The following GLIS3 variants were observed in gnomAD, a reference collection of about 807,000 sequenced individuals.
GLIS3 encodes the protein zinc finger protein GLIS3.
Under a neutral mutation model 78.6 loss-of-function variants are expected in GLIS3, and 53 were observed. The observed-to-expected ratio is 0.67, with a 90% CI of 0.54 to 0.85. The LOEUF (loss-of-function observed/expected upper bound fraction) is 0.85. Among genes scored for constraint, GLIS3 ranks in the 40% least tolerant of loss-of-function variants. The probability of loss-of-function intolerance (pLI) is 0.00; values close to 1 mark genes in which losing one functional copy is unlikely to be tolerated. For synonymous variants in GLIS3, 684 were observed against 509.9 expected (o/e 1.34, Z -4.60); for missense variants, 1,703 against 1,231.1 (o/e 1.38, Z -5.74).
At chr9:3,975,425 G>C (rs1200372691) in intron 4 of GLIS3, among the ~76,000 whole-genome samples, 10 of 152,178 alleles carry the variant, frequency 6.6e-5, no homozygotes, top group Admixed American at 5.9e-4. Flanking sequence ...ACCCTGTTTA[G>C]TAAGAGCCAT....
rs143335122 is a variant in GLIS3 at position 4,331,718 on chromosome 9, G to A, written n.264+15363C>T. ...GCAGGCACTGGTCACAGACTTGAGT[G>A]TGAGCCAAAGTTTCCCAAAGTTCAG... is the stretch of plus-strand genomic sequence containing the variant. On this transcript the variant is annotated intron_variant and non_coding_transcript_variant, in intron 2 of 4. Transcript: ENST00000471664. Among the ~76,000 whole-genome samples, 1,235 of 152,286 alleles carry A rather than the reference G, an allele frequency of 8.1e-3. 19 individuals carry two copies. The highest frequency in any genetic ancestry group is 0.028 in the African/African-American group (1,164 of 41,564).
intron 4 of GLIS3, among the ~76,000 whole-genome samples, chr9:4,099,244 A>C (rs571342261): frequency 4.1e-4 from 62 of 152,300 alleles, no homozygotes; most frequent in African/African-American, 1.5e-3. Flanking sequence ...AATAACAGAA[A>C]TGTATCATCT....
intron 8 of GLIS3, among the ~76,000 whole-genome samples, chr9:3,872,623 A>C (rs1821037634): frequency 6.6e-6 from 1 of 152,220 alleles, no homozygotes; most frequent in Admixed American, 6.5e-5. Flanking sequence ...CCAAGACAAC[A>C]GTATGGGGGA....
the GLIS3 span, among the ~76,000 whole-genome samples, chr9:4,445,144 G>GT: frequency 6.6e-6 from 1 of 152,260 alleles, no homozygotes; most frequent in African/African-American, 2.4e-5. Context: ...GAAGGCACAG[G>GT]ATTTGTTTCT....
intron 8 of GLIS3, among the ~76,000 whole-genome samples, chr9:3,866,908 T>C (rs917695421): frequency 1.3e-5 from 2 of 152,102 alleles, no homozygotes; most frequent in Non-Finnish European, 2.9e-5. Context: ...AGACTTGATG[T>C]AGAGAGACCA....
At chr9:4,395,677 G>T in the GLIS3 span, among the ~76,000 whole-genome samples, 1 of 151,972 alleles carries the variant, frequency 6.6e-6, no homozygotes, top group Non-Finnish European at 1.5e-5. Context: ...AAAACTAACT[G>T]CTCTAACTTG....
At chr9:4,463,691 T>A in the GLIS3 span, among the ~76,000 whole-genome samples, 1 of 152,192 alleles carries the variant, frequency 6.6e-6, no homozygotes, top group African/African-American at 2.4e-5. Flanking sequence ...GGAAAACAGA[T>A]AAAAATGTTC....
the GLIS3 span, among the ~76,000 whole-genome samples, chr9:4,474,444 G>C: frequency 1.3e-5 from 2 of 152,158 alleles, no homozygotes; most frequent in African/African-American, 4.8e-5. Flanking sequence ...AAGTCATGTT[G>C]CAATGCAGAG....
At chr9:3,953,922 T>C (rs937298730) in intron 4 of GLIS3, among the ~76,000 whole-genome samples, 7 of 152,166 alleles carry the variant, frequency 4.6e-5, no homozygotes, top group Non-Finnish European at 7.4e-5. Flanking sequence ...ATGTCTGTAG[T>C]ACACCAATCA....
At position 4,048,424 on chromosome 9, in the gene GLIS3, G is replaced by C. The variant is rs185139929; in HGVS notation, c.1710+69344C>G. ...CCACCTTAAATGCTGATATTATATG[G>C]GGCTATCATATAGCCATGCCATGGC... is the stretch of plus-strand genomic sequence containing the variant. On this transcript the variant is annotated intron_variant, in intron 4 of 10. Transcript: ENST00000381971. Among the ~76,000 whole-genome samples, 23 of 151,988 alleles carry C rather than the reference G, an allele frequency of 1.5e-4. 1 individual carries two copies. The East Asian group carries it at 4.5e-3, about 29-fold the overall frequency.
At chr9:4,411,619 A>AT in the GLIS3 span, among the ~76,000 whole-genome samples, 2 of 152,090 alleles carry the variant, frequency 1.3e-5, no homozygotes, top group Non-Finnish European at 2.9e-5. Context: ...ATTTGACCTA[A>AT]TTTTTAGAAA....
chr9:4,382,502 A>G, the GLIS3 span, among the ~76,000 whole-genome samples: 1 of 152,174 alleles, frequency 6.6e-6, no homozygotes, highest in Non-Finnish European at 1.5e-5. Flanking sequence ...TCACACAAAC[A>G]TCATCTTGCT....
chr9:3,995,547 AT>A (rs533091620), intron 4 of GLIS3, among the ~76,000 whole-genome samples: 1 of 152,102 alleles, frequency 6.6e-6, no homozygotes, highest in Non-Finnish European at 1.5e-5. Flanking sequence ...GTATAAATAA[AT>A]TTTTTTAAAA....
intron 2 of GLIS3, among the ~76,000 whole-genome samples, chr9:4,181,436 T>C (rs144122899): frequency 2.6e-5 from 4 of 152,364 alleles, no homozygotes; most frequent in African/African-American, 7.2e-5. Flanking sequence ...CCATGGCATC[T>C]AGTCTGCTAC....
At chr9:3,832,590 G>C (rs917564566) in intron 9 of GLIS3, among the ~76,000 whole-genome samples, 1 of 152,202 alleles carries the variant, frequency 6.6e-6, no homozygotes, top group Admixed American at 6.5e-5. Context: ...GAGATGTATA[G>C]TTTCAGTAGT....
At chr9:4,453,087 G>A in the GLIS3 span, among the ~76,000 whole-genome samples, 1 of 152,104 alleles carries the variant, frequency 6.6e-6, no homozygotes, top group Admixed American at 6.6e-5. Context: ...TTATCATGGT[G>A]CTAGGAAAAC....
At chr9:3,907,653 C>T (rs1823814737) in intron 6 of GLIS3, among the ~76,000 whole-genome samples, 1 of 150,004 alleles carries the variant, frequency 6.7e-6, no homozygotes, top group Admixed American at 6.6e-5. Flanking sequence ...CACACACACA[C>T]ACTACTAAAC....
At chr9:3,972,124 C>T (rs1818426227) in intron 4 of GLIS3, among the ~76,000 whole-genome samples, 2 of 152,116 alleles carry the variant, frequency 1.3e-5, no homozygotes, top group South Asian at 4.1e-4. Flanking sequence ...GTATACTTTC[C>T]TATGGAAGAG....
At chr9:4,256,491 T>A (rs1236607996) in intron 2 of GLIS3, among the ~76,000 whole-genome samples, 1 of 152,202 alleles carries the variant, frequency 6.6e-6, no homozygotes. Context: ...TGAATGCCGG[T>A]AAAATTGAAG....
Sources: allele counts gnomAD v4.1 joint callset (sites outside exome capture counted in the v4.1 genomes callset), GRCh38; gene constraint gnomAD v4.1.1; transcripts MANE v1.5; gene names NCBI Gene and HGNC (gene_info 2026-07-23, HGNC 2026-07-21).